TMEM132D: variants seen among roughly 807,000 people sequenced by gnomAD.
TMEM132D encodes the protein transmembrane protein 132D.
A neutral mutation model predicts 62.3 loss-of-function variants in TMEM132D; 21 were observed. That is an observed-to-expected ratio of 0.34 (90% confidence interval 0.24 to 0.49). The LOEUF (loss-of-function observed/expected upper bound fraction) is 0.49. TMEM132D is among the 20% of genes least tolerant of loss of function. The pLI is 0.99. For missense variants in TMEM132D, 1,346 were observed against 1,402.8 expected, an observed-to-expected ratio of 0.96 and a Z score of 0.65; for synonymous variants, 621 against 575.6, an observed-to-expected ratio of 1.08 and a Z score of -1.13.
At chr12:129,244,406 A>AAAAAAAAAC (rs1555240904) in intron 4 of TMEM132D, among the ~76,000 whole-genome samples, 3 of 146,196 alleles carry the variant, frequency 2.1e-5, no homozygotes, top group African/African-American at 7.6e-5. Flanking sequence ...AAAAAAAAAA[A>AAAAAAAAAC]AAACAAACAA....
At chr12:129,535,773 TGTGCGTG>T (rs1566102021) in intron 2 of TMEM132D, among the ~76,000 whole-genome samples, 37 of 86,944 alleles carry the variant, frequency 4.3e-4, no homozygotes, top group African/African-American at 2.1e-3. Flanking sequence ...TTAAGATTTG[TGTGCGTG>T]TGTGTGTGTG....
chr12:129,713,447 G>A (rs78091369), intron 1 of TMEM132D, among the ~76,000 whole-genome samples: 2,368 of 151,762 alleles, frequency 0.016, 72 homozygotes, highest in African/African-American at 0.053. Flanking sequence ...CTCAAGTAGT[G>A]TATGCAAAGG....
chr12:129,428,126 G>A (rs1190544903), intron 3 of TMEM132D, among the ~76,000 whole-genome samples: 2 of 152,104 alleles, frequency 1.3e-5, no homozygotes, highest in Non-Finnish European at 2.9e-5. Flanking sequence ...GAGAAAACCA[G>A]GAAGATGAAA....
At chr12:129,758,106 T>C (rs900109608) in intron 1 of TMEM132D, among the ~76,000 whole-genome samples, 1 of 152,112 alleles carries the variant, frequency 6.6e-6, no homozygotes, top group Non-Finnish European at 1.5e-5. Flanking sequence ...GGTTTCACCA[T>C]GTTGGCCAGG....
intron 1 of TMEM132D, among the ~76,000 whole-genome samples, chr12:129,843,970 G>A (rs929742132): frequency 6.6e-6 from 1 of 152,024 alleles, no homozygotes; most frequent in Non-Finnish European, 1.5e-5. Flanking sequence ...GTGTGGTGGT[G>A]TGTGCCTGTA....
At chr12:129,316,719 G>A (rs1326872531) in intron 4 of TMEM132D, among the ~76,000 whole-genome samples, 1 of 152,142 alleles carries the variant, frequency 6.6e-6, no homozygotes, top group Non-Finnish European at 1.5e-5. Context: ...CTGTCTTGAT[G>A]ATCTGTCTAG....
intron 3 of TMEM132D, among the ~76,000 whole-genome samples, chr12:129,357,543 GA>G (rs1394890394): frequency 2.0e-5 from 3 of 149,582 alleles, no homozygotes; most frequent in Non-Finnish European, 4.4e-5. Flanking sequence ...AGGAAAGAAA[GA>G]AAAGAAAGAA....
intron 3 of TMEM132D, among the ~76,000 whole-genome samples, chr12:129,517,567 C>T (rs779386267): frequency 6.6e-6 from 1 of 152,110 alleles, no homozygotes; most frequent in Non-Finnish European, 1.5e-5. Flanking sequence ...ACTGCTGACC[C>T]CTGAGTGGGG....
intron 3 of TMEM132D, among the ~76,000 whole-genome samples, chr12:129,463,491 TAC>T (rs1873759145): frequency 6.6e-6 from 1 of 150,656 alleles, no homozygotes; most frequent in South Asian, 2.1e-4. Context: ...ATTATTATTA[TAC>T]TTTAAGTTTT....
chr12:129,606,645 A>G (rs1195410676), intron 2 of TMEM132D, among the ~76,000 whole-genome samples: 1 of 152,206 alleles, frequency 6.6e-6, no homozygotes, highest in African/African-American at 2.4e-5. Context: ...GAAACTTAGA[A>G]GCAACTTTTG....
chr12:129,642,043 G>T (rs1283152819), intron 2 of TMEM132D, among the ~76,000 whole-genome samples: 1 of 152,070 alleles, frequency 6.6e-6, no homozygotes, highest in South Asian at 2.1e-4. Flanking sequence ...GTTCAGAAGT[G>T]TGGGGATGAC....
intron 5 of TMEM132D, among the ~76,000 whole-genome samples, chr12:129,092,267 C>G (rs1874947432): frequency 7.0e-6 from 1 of 142,776 alleles, no homozygotes; most frequent in Non-Finnish European, 1.5e-5. Context: ...CACCAACATT[C>G]TTGGTTAAAT....
chr12:129,434,037 C>T (rs75225691), intron 3 of TMEM132D, among the ~76,000 whole-genome samples: 2,485 of 152,238 alleles, frequency 0.016, 41 homozygotes, highest in Middle Eastern at 0.044. Context: ...GGGATACTTT[C>T]GCAGGGAAAC....
chr12:129,569,289 C>A (rs1045187704), intron 2 of TMEM132D, among the ~76,000 whole-genome samples: 4 of 152,128 alleles, frequency 2.6e-5, no homozygotes, highest in African/African-American at 9.7e-5. Flanking sequence ...ATGCTCAGGG[C>A]AACCAGTAGC....
At chr12:129,102,919 A>C (rs541105787) in intron 5 of TMEM132D, among the ~76,000 whole-genome samples, 1 of 152,240 alleles carries the variant, frequency 6.6e-6, no homozygotes, top group Non-Finnish European at 1.5e-5. Context: ...CAGCACATTT[A>C]GGGTAACCAG....
rs547082130 is a variant in TMEM132D at position 129,133,729 on chromosome 12, C to T, written c.1444-49027G>A. Among the ~76,000 whole-genome samples, 3 of 152,328 alleles carry T rather than the reference C, an allele frequency of 2.0e-5. No homozygotes were observed. In the South Asian group the frequency reaches 6.2e-4, roughly 32 times the overall value. Reference sequence around the variant, plus strand: ...GCCCAGGAATTTGGTGTGTGGTGGGCCCCCAGTCCCTGCATAGGCACTTGG... The same window carrying T: ...GCCCAGGAATTTGGTGTGTGGTGGGTCCCCAGTCCCTGCATAGGCACTTGG... On this transcript the variant is annotated intron_variant, in intron 5 of 8. Coordinates refer to ENST00000422113, the MANE Select transcript of TMEM132D (RefSeq NM_133448.3).
intron 2 of TMEM132D, among the ~76,000 whole-genome samples, chr12:129,666,339 TAA>T (rs1172767925): frequency 6.6e-6 from 1 of 152,224 alleles, no homozygotes; most frequent in African/African-American, 2.4e-5. Flanking sequence ...TGTTTACATG[TAA>T]AAGAGCTCTG....
In TMEM132D at chr12:129,760,323, CTTTTTTTTT is replaced by C. The variant is rs71082753; in HGVS notation, c.80-59634_80-59626del. Reference sequence around the variant, plus strand: ...AGACAGAAATGATGTAAGCCACTTTCTTTTTTTTTTTTTTTTTTTTTTTTTTGAGATGGA... The same window carrying C: ...AGACAGAAATGATGTAAGCCACTTTCTTTTTTTTTTTTTTTTTGAGATGGA... On this transcript the variant is annotated intron_variant, in intron 1 of 8. Coordinates refer to ENST00000422113, the MANE Select transcript of TMEM132D (RefSeq NM_133448.3). Among the ~76,000 whole-genome samples the C allele has an allele frequency of 4.3e-4, 50 of 115,504 alleles. 2 individuals are homozygous for C. The Admixed American group carries it at 4.5e-3, about 10-fold the overall frequency. 75.8% of individuals were successfully genotyped at this position (115,504 alleles called of 152,430 possible).
chr12:129,086,305 G>A (rs1874620411), intron 5 of TMEM132D, among the ~76,000 whole-genome samples: 1 of 152,122 alleles, frequency 6.6e-6, no homozygotes. Flanking sequence ...TGGATATAGT[G>A]CACAGTGGTG....
Sources: gnomAD v4.1 joint callset for allele counts (sites outside exome capture counted in the v4.1 genomes callset) on GRCh38, gnomAD v4.1.1 for gene constraint, MANE v1.5 for transcripts, NCBI Gene and HGNC (gene_info 2026-07-23, HGNC 2026-07-21) for gene names.